SCAPER: variants seen among roughly 807,000 people sequenced by gnomAD.
The protein encoded by SCAPER is S phase cyclin A-associated protein in the endoplasmic reticulum.
Under a neutral mutation model 182.2 loss-of-function variants are expected in SCAPER, and 98 were observed. That is an observed-to-expected ratio of 0.54 (90% CI 0.46 to 0.64). SCAPER has a LOEUF of 0.64. Ranked by LOEUF, SCAPER falls within the 30% of genes least tolerant of loss-of-function variation. The probability of loss-of-function intolerance (pLI) is 0.00; values close to 1 mark genes in which losing one functional copy is unlikely to be tolerated. For synonymous variants in SCAPER, 605 were observed against 564.6 expected, an observed-to-expected ratio of 1.07 and a Z score of -1.01; for missense variants, 1,432 against 1,690.0, an observed-to-expected ratio of 0.85 and a Z score of 2.68.
At chr15:76,561,465 A>C (rs76864277) in intron 23 of SCAPER, among the ~76,000 whole-genome samples, 1 of 152,114 alleles carries the variant, frequency 6.6e-6, no homozygotes, top group Admixed American at 6.6e-5. Flanking sequence ...GGTATGGACA[A>C]AAACTTAGGA....
At chr15:76,869,483 A>C (rs2072540784) in intron 2 of SCAPER, among the ~76,000 whole-genome samples, 1 of 152,172 alleles carries the variant, frequency 6.6e-6, no homozygotes, top group Non-Finnish European at 1.5e-5. Context: ...AAAGATATAC[A>C]AAATGGCCAA....
intron 26 of SCAPER, among the ~76,000 whole-genome samples, chr15:76,408,773 C>A (rs1332167902): frequency 2.6e-5 from 4 of 151,816 alleles, no homozygotes; most frequent in Admixed American, 1.3e-4. Context: ...GTCCTTTGCA[C>A]TGAATTCACT....
intron 21 of SCAPER, among the ~76,000 whole-genome samples, chr15:76,635,504 TA>T (rs2053516136): frequency 6.6e-6 from 1 of 152,240 alleles, no homozygotes; most frequent in South Asian, 2.1e-4. Context: ...GACGTCATCT[TA>T]AAATAGAAAT....
At chr15:76,493,883 G>T (rs2052562877) in intron 24 of SCAPER, among the ~76,000 whole-genome samples, 1 of 152,134 alleles carries the variant, frequency 6.6e-6, no homozygotes, top group Non-Finnish European at 1.5e-5. Context: ...ATGTCAAATG[G>T]AGAAGAGTAT....
intron 20 of SCAPER, among the ~76,000 whole-genome samples, chr15:76,677,088 T>C (rs1355497802): frequency 1.3e-5 from 2 of 152,114 alleles, no homozygotes; most frequent in Non-Finnish European, 2.9e-5. Flanking sequence ...AGATATACCC[T>C]GTGAGACACA....
intron 29 of SCAPER, among the ~76,000 whole-genome samples, chr15:76,359,869 A>C (rs2041275464): frequency 6.6e-6 from 1 of 152,194 alleles, no homozygotes; most frequent in South Asian, 2.1e-4. Context: ...GAATGAATGA[A>C]ATAAAGTGAC....
At chr15:76,824,247 T>C (rs891336665) in intron 5 of SCAPER, among the ~76,000 whole-genome samples, 1 of 152,228 alleles carries the variant, frequency 6.6e-6, no homozygotes, top group African/African-American at 2.4e-5. Context: ...GATAACTCCA[T>C]ATAGATGTAC....
intron 27 of SCAPER, among the ~76,000 whole-genome samples, chr15:76,390,537 G>A (rs533526663): frequency 6.6e-6 from 1 of 152,248 alleles, no homozygotes; most frequent in East Asian, 1.9e-4. Context: ...TGGATGAAGG[G>A]GCAGTGAGGA....
intron 24 of SCAPER, among the ~76,000 whole-genome samples, chr15:76,488,940 C>T (rs971092910): frequency 6.6e-6 from 1 of 150,910 alleles, no homozygotes; most frequent in African/African-American, 2.4e-5. Context: ...CCAGGCTGGT[C>T]TCGAACTCCT....
intron 22 of SCAPER, among the ~76,000 whole-genome samples, chr15:76,595,263 C>A (rs1171078245): frequency 8.2e-6 from 1 of 121,486 alleles, no homozygotes; most frequent in East Asian, 2.2e-4. Flanking sequence ...GGGATCAATG[C>A]AACAAGAAGA....
At chr15:76,762,152 G>C (rs1343586540) in intron 14 of SCAPER, among the ~76,000 whole-genome samples, 1 of 152,116 alleles carries the variant, frequency 6.6e-6, no homozygotes, top group Non-Finnish European at 1.5e-5. Flanking sequence ...GTTCAGCCAA[G>C]TCTGTTCAAG....
At chr15:76,819,125 A>C (rs1024057879) in intron 5 of SCAPER, among the ~76,000 whole-genome samples, 8 of 152,358 alleles carry the variant, frequency 5.3e-5, no homozygotes, top group African/African-American at 1.9e-4. Flanking sequence ...CTGCTCAAGG[A>C]GGCCTGCCTG....
At chr15:76,754,153 G>A (rs1260634187) in intron 14 of SCAPER, among the ~76,000 whole-genome samples, 1 of 151,970 alleles carries the variant, frequency 6.6e-6, no homozygotes, top group Non-Finnish European at 1.5e-5. Flanking sequence ...GCATAATCTA[G>A]ACAACTTTTT....
chr15:76,667,442 A>T (rs11630185), intron 20 of SCAPER, among the ~76,000 whole-genome samples: 32,761 of 151,886 alleles, frequency 0.22, 4,362 homozygotes, highest in East Asian at 0.48. Context: ...CAGTAACTTG[A>T]AGTATTACTC....
intron 8 of SCAPER, among the ~76,000 whole-genome samples, chr15:76,780,586 C>T (rs1200362817): frequency 6.6e-6 from 1 of 152,204 alleles, no homozygotes; most frequent in African/African-American, 2.4e-5. Context: ...AAGTGGGTCC[C>T]TAACGCCCAA....
intron 25 of SCAPER, among the ~76,000 whole-genome samples, chr15:76,444,063 G>T (rs1189874310): frequency 6.6e-6 from 1 of 152,192 alleles, no homozygotes; most frequent in Non-Finnish European, 1.5e-5. Context: ...AGCATGAGCA[G>T]AGTAACACCT....
chr15:76,515,978 G>A (rs986955299), intron 23 of SCAPER, among the ~76,000 whole-genome samples: 6 of 152,084 alleles, frequency 3.9e-5, no homozygotes, highest in Non-Finnish European at 8.8e-5. Flanking sequence ...TTTGGAAAAC[G>A]TTACTGGTCC....
At chr15:76,685,881 G>C (rs2058011729) in intron 20 of SCAPER, among the ~76,000 whole-genome samples, 1 of 152,050 alleles carries the variant, frequency 6.6e-6, no homozygotes, top group Non-Finnish European at 1.5e-5. Flanking sequence ...GGTGACATGA[G>C]ATGGTGAAAG....
chr15:76,822,867 G>C (rs982603092), intron 5 of SCAPER, among the ~76,000 whole-genome samples: 2 of 152,112 alleles, frequency 1.3e-5, no homozygotes, highest in African/African-American at 4.8e-5. Flanking sequence ...CTGTGTGTAT[G>C]TATTACTACA....
Sources: allele counts gnomAD v4.1 joint callset (sites outside exome capture counted in the v4.1 genomes callset), GRCh38; gene constraint gnomAD v4.1.1; transcripts MANE v1.5; gene names NCBI Gene and HGNC (gene_info 2026-07-23, HGNC 2026-07-21).